GNAQ: variants seen among roughly 807,000 people sequenced by gnomAD.
GNAQ encodes the protein G protein subunit alpha q.
GNAQ carries 8 observed loss-of-function variants against 43.9 expected under a neutral mutation model. The ratio of observed to expected loss-of-function variants is 0.18; its 90% CI spans 0.11 to 0.33. GNAQ has a LOEUF of 0.33. Ranked by LOEUF, GNAQ falls within the 10% of genes least tolerant of loss-of-function variation. GNAQ has a pLI of 1.00. For synonymous variants in GNAQ, 155 were observed against 170.7 expected, an observed-to-expected ratio of 0.91 and a Z score of 0.71; for missense variants, 158 against 450.8, an observed-to-expected ratio of 0.35 and a Z score of 5.88.
chr9:77,761,275 G>C (rs1383793213), intron 5 of GNAQ, among the ~76,000 whole-genome samples: 1 of 119,554 alleles, frequency 8.4e-6, no homozygotes, highest in East Asian at 2.8e-4. Flanking sequence ...GAGGGAGGTG[G>C]GGGGGTCAGC....
chr9:77,856,349 T>C (rs904112132), intron 2 of GNAQ, among the ~76,000 whole-genome samples: 1 of 152,170 alleles, frequency 6.6e-6, no homozygotes, highest in African/African-American at 2.4e-5. Context: ...TGATGTATTG[T>C]ATATAGAAAG....
chr9:77,913,709 G>A (rs541240057), intron 2 of GNAQ, among the ~76,000 whole-genome samples: 1 of 152,072 alleles, frequency 6.6e-6, no homozygotes, highest in African/African-American at 2.4e-5. Flanking sequence ...ACTAATCTAC[G>A]TTACCAGAAG....
chr9:77,958,215 T>C (rs1823065782), intron 1 of GNAQ, among the ~76,000 whole-genome samples: 1 of 152,158 alleles, frequency 6.6e-6, no homozygotes, highest in Non-Finnish European at 1.5e-5. Flanking sequence ...TTGCTTTCTA[T>C]TTTTCATTAT....
chr9:77,798,975 C>T (rs1482704133), intron 3 of GNAQ, among the ~76,000 whole-genome samples: 2 of 152,048 alleles, frequency 1.3e-5, no homozygotes, highest in Non-Finnish European at 2.9e-5. Flanking sequence ...CTGTGTTATC[C>T]CTGGCAGTCA....
intron 2 of GNAQ, among the ~76,000 whole-genome samples, chr9:77,840,831 G>A (rs922123287): frequency 3.3e-5 from 5 of 152,134 alleles, no homozygotes; most frequent in Non-Finnish European, 7.4e-5. Flanking sequence ...CCTTAAGTTC[G>A]TGGGGCAGTT....
chr9:77,794,428 A>T, intron 5 of GNAQ, 35 bp downstream of exon 5: 1 of 1,436,004 alleles, frequency 7.0e-7, no homozygotes, highest in Non-Finnish European at 9.6e-7. Flanking sequence ...CAGATAATAA[A>T]ATGATAATCC....
In GNAQ at chr9:77,962,338, A is replaced by G. The variant is rs140170588; in HGVS notation, c.137-39993T>C. 4.3e-3 allele frequency among the ~76,000 whole-genome samples: 653 copies of G among 152,282 alleles called. 6 individuals carry two copies. Among genetic ancestry groups the G allele is most frequent in the South Asian group, 0.014 (69 of 4,830 alleles). On this transcript the variant is annotated intron_variant, in intron 1 of 6. Coordinates refer to ENST00000286548, the MANE Select transcript of GNAQ (RefSeq NM_002072.5). ...GATCTAAGACCCTCAACAAACATCA[A>G]GCAGTAGAAACATAAAGAAAACTAC...
rs138403981 is a variant in GNAQ at position 78,023,359 on chromosome 9, G to C, written c.136+7741C>G. Among the ~76,000 whole-genome samples, 290 of 152,304 alleles carry C rather than the reference G, an allele frequency of 1.9e-3. 1 individual carries two copies. The highest frequency in any genetic ancestry group is 3.4e-3 in the Non-Finnish European group (230 of 68,030). On this transcript the variant is annotated intron_variant, in intron 1 of 6. Transcript: ENST00000286548. Reference sequence around the variant, plus strand: ...GTCTCACAGAAGCACCAACTTGGAAGTTCTCTAAATCGTATGCAAATGTGC... The same window carrying C: ...GTCTCACAGAAGCACCAACTTGGAACTTCTCTAAATCGTATGCAAATGTGC...
chr9:78,030,978 C>G (rs1055942835), intron 1 of GNAQ, 122 bp downstream of exon 1: 1 of 616,566 alleles, frequency 1.6e-6, no homozygotes, highest in African/African-American at 2.0e-5. Flanking sequence ...GGGGCGCGCC[C>G]GGGAGGGTAG....
At chr9:77,810,095 A>G (rs1016173354) in intron 3 of GNAQ, among the ~76,000 whole-genome samples, 3 of 152,318 alleles carry the variant, frequency 2.0e-5, no homozygotes, top group East Asian at 3.9e-4. Flanking sequence ...GGTAAAGATT[A>G]ATAATTTGTT....
intron 3 of GNAQ, among the ~76,000 whole-genome samples, chr9:77,808,028 T>A (rs1035826206): frequency 2.6e-5 from 4 of 152,134 alleles, no homozygotes; most frequent in African/African-American, 9.7e-5. Flanking sequence ...AGGCTTTAGC[T>A]AGGCACATCA....
intron 6 of GNAQ, among the ~76,000 whole-genome samples, chr9:77,727,860 C>A (rs1825421738): frequency 6.6e-6 from 1 of 151,998 alleles, no homozygotes; most frequent in Admixed American, 6.6e-5. Context: ...GTGTTCCTCC[C>A]CAGAGAGAGG....
At chr9:77,929,669 A>G (rs1268735164) in intron 1 of GNAQ, among the ~76,000 whole-genome samples, 1 of 151,970 alleles carries the variant, frequency 6.6e-6, no homozygotes, top group Non-Finnish European at 1.5e-5. Flanking sequence ...TGTCTCTACT[A>G]AAAATACAAA....
chr9:77,923,020 T>TC (rs1829020819), intron 1 of GNAQ, among the ~76,000 whole-genome samples: 1 of 151,996 alleles, frequency 6.6e-6, no homozygotes, highest in Non-Finnish European at 1.5e-5. Flanking sequence ...GCTAATTTTT[T>TC]TTTTTTTTTA....
chr9:77,736,665 C>CAA (rs981229660), intron 5 of GNAQ, among the ~76,000 whole-genome samples: 2 of 151,988 alleles, frequency 1.3e-5, no homozygotes, highest in African/African-American at 4.8e-5. Flanking sequence ...TGCTGCAAAT[C>CAA]AGAGTGTGTT....
At chr9:77,862,046 T>C (rs936833893) in intron 2 of GNAQ, among the ~76,000 whole-genome samples, 1 of 148,650 alleles carries the variant, frequency 6.7e-6, no homozygotes, top group Non-Finnish European at 1.5e-5. Context: ...TGGACTCCCA[T>C]GGTCTTGGAC....
At position 77,776,527 on chromosome 9, in the gene GNAQ, C is replaced by A. The variant is rs111863291; in HGVS notation, c.735+17936G>T. ...ATCAAGTAGGCATAACAATTGTATG[C>A]TTATGTGCAATAATAGTGCAATAAC... is the stretch of plus-strand genomic sequence containing the variant. On this transcript the variant is annotated intron_variant, in intron 5 of 6. Transcript: ENST00000286548. 5.6e-3 allele frequency among the ~76,000 whole-genome samples: 850 copies of A among 152,276 alleles called. 1 individual carries two copies. The highest frequency in any genetic ancestry group is 0.019 in the African/African-American group (803 of 41,564).
intron 2 of GNAQ, among the ~76,000 whole-genome samples, chr9:77,860,251 T>C (rs1827823121): frequency 6.6e-6 from 1 of 151,970 alleles, no homozygotes; most frequent in Non-Finnish European, 1.5e-5. Context: ...AGCTCATTAG[T>C]GCTTGGTTTC....
At chr9:77,954,365 C>CTAA (rs1317877109) in intron 1 of GNAQ, among the ~76,000 whole-genome samples, 2 of 152,218 alleles carry the variant, frequency 1.3e-5, no homozygotes, top group African/African-American at 4.8e-5. Context: ...AGAAGGTGTG[C>CTAA]TAATACGATG....
Sources: allele counts gnomAD v4.1 joint callset (sites outside exome capture counted in the v4.1 genomes callset), GRCh38; gene constraint gnomAD v4.1.1; transcripts MANE v1.5; gene names NCBI Gene and HGNC (gene_info 2026-07-23, HGNC 2026-07-21).